The following SPECC1 variants were observed in gnomAD, a reference collection of about 807,000 sequenced individuals.
SPECC1 encodes the protein sperm antigen with calponin homology and coiled-coil domains 1.
Under a neutral mutation model 104.1 loss-of-function variants are expected in SPECC1, and 62 were observed. The observed-to-expected ratio is 0.60, with a 90% CI of 0.49 to 0.74. The LOEUF (loss-of-function observed/expected upper bound fraction) is 0.74, where lower values mean the gene tolerates loss of function less well. Among genes scored for constraint, SPECC1 ranks in the 30% least tolerant of loss-of-function variants. The probability of loss-of-function intolerance (pLI) is 0.00; values close to 1 mark genes in which losing one functional copy is unlikely to be tolerated. For missense variants in SPECC1, 1,306 were observed against 1,310.5 expected, an observed-to-expected ratio of 1.00 and a Z score of 0.05; for synonymous variants, 513 against 501.6, an observed-to-expected ratio of 1.02 and a Z score of -0.30.
rs1247574996 is a variant in SPECC1, at chr17:20,315,925, A to T, written c.*1860A>T. 1 of 232,598 alleles carries T rather than the reference A, an allele frequency of 4.3e-6. No individual in the cohort carries two copies. Among genetic ancestry groups the T allele is most frequent in the African/African-American group, 2.2e-5 (1 of 45,324 alleles). 14.4% of individuals were successfully genotyped at this position (232,598 alleles called of 1,614,324 possible). A position where few individuals can be genotyped will look rare whatever the true frequency, so the allele number is the denominator to read the frequency against. The stretch of plus-strand genomic sequence containing the variant: ...CAGAATGTCTGGAATGGGACCAGAG[A>T]TGCAGTTCACATGTTTTGTAAGTTC... On this transcript the variant is annotated 3_prime_UTR_variant, in exon 15 of 15. Coordinates refer to ENST00000395527, the MANE Select transcript of SPECC1 (RefSeq NM_001243439.2).
rs751710061 is a variant in SPECC1, at chr17:20,232,294, G to A, written c.2240G>A (p.Arg747His). The A allele has an allele frequency of 9.9e-6, 16 of 1,614,050 alleles. No individual in the cohort carries two copies. The highest frequency in any genetic ancestry group is 5.3e-5 in the African/African-American group (4 of 74,920). Residue 747 changes from arginine (R) to histidine (H), a missense_variant, in exon 7 of 15, where the codon CGC becomes CAC. This residue lies in a region of SPECC1 where 1,177 missense variants were observed against 1,139.9 expected (regional missense o/e 1.03). Coordinates refer to ENST00000395527, the MANE Select transcript of SPECC1 (RefSeq NM_001243439.2). The stretch of plus-strand genomic sequence containing the variant: ...AAGTGTGAGGCCCAGCAGGAGCTGC[G>A]CACCGTGAAGAGGAAACTGCTGGAG... Reference protein sequence around the residue: ...DIKCEAQQELRTVKRKLLEEE... With the variant: ...DIKCEAQQELHTVKRKLLEEE...
chr17:20,143,939 C>A (rs1044402532), intron 3 of SPECC1, among the ~76,000 whole-genome samples: 4 of 152,114 alleles, frequency 2.6e-5, no homozygotes, highest in Non-Finnish European at 5.9e-5. Context: ...CAACAGGGAG[C>A]CTCCTTCTGC....
intron 3 of SPECC1, among the ~76,000 whole-genome samples, chr17:20,153,910 T>C (rs577861454): frequency 6.6e-6 from 1 of 152,354 alleles, no homozygotes; most frequent in African/African-American, 2.4e-5. Flanking sequence ...TGGTGTCATA[T>C]GCATTTCTGC....
intron 1 of SPECC1, among the ~76,000 whole-genome samples, chr17:20,065,731 GTCTC>G (rs2046335651): frequency 6.6e-6 from 1 of 152,148 alleles, no homozygotes; most frequent in African/African-American, 2.4e-5. Context: ...ACTTTTCTTG[GTCTC>G]TCTGTGTAAC....
At chr17:20,305,976 A>G (rs762610565) in intron 13 of SPECC1, 47 bp from the exon 14 acceptor site, 8 of 1,539,344 alleles carry the variant, frequency 5.2e-6, no homozygotes, top group South Asian at 2.3e-5. Flanking sequence ...GGCAAAAGCT[A>G]TATATTTTAA....
In SPECC1 at chr17:20,274,626, A is replaced by C. The variant is rs527940997; in HGVS notation, c.2940+14332A>C. Among the ~76,000 whole-genome samples the C allele has an allele frequency of 9.4e-5, 14 of 149,424 alleles. No homozygotes were observed. In the South Asian group the frequency reaches 1.9e-3, roughly 20 times the overall value. ...CTCCCTAGTAGCTGGGATTACAAGCACGTGCCACCACACCTGGCTAATTTT... is the reference window on the plus strand; with the variant it reads ...CTCCCTAGTAGCTGGGATTACAAGCCCGTGCCACCACACCTGGCTAATTTT... On this transcript the variant is annotated intron_variant, in intron 12 of 14. Coordinates refer to ENST00000395527, the MANE Select transcript of SPECC1 (RefSeq NM_001243439.2).
intron 3 of SPECC1, among the ~76,000 whole-genome samples, chr17:20,196,429 G>A (rs897773494): frequency 2.6e-5 from 4 of 152,124 alleles, no homozygotes; most frequent in African/African-American, 9.7e-5. Context: ...ATGTCCCCAG[G>A]CCTTACCTTA....
At position 20,160,908 on chromosome 17, in the gene SPECC1, T is replaced by C. The variant is rs2033083629; in HGVS notation, c.284-43425T>C. The stretch of plus-strand genomic sequence containing the variant: ...GCAAGTCATACTTAAATTTTCCAAA[T>C]CCATTGTTAGTATAAAAATGCTAGT... On this transcript the variant is annotated intron_variant, in intron 3 of 14. Transcript: ENST00000395527. Among the ~76,000 whole-genome samples the C allele has an allele frequency of 1.3e-5, 2 of 152,230 alleles. 1 individual carries two copies. The highest frequency in any genetic ancestry group is 2.9e-5 in the Non-Finnish European group (2 of 68,046).
chr17:20,302,575 C>G (rs2041624234), intron 13 of SPECC1, among the ~76,000 whole-genome samples: 1 of 151,722 alleles, frequency 6.6e-6, no homozygotes, highest in Admixed American at 6.6e-5. Context: ...AAACCACCCC[C>G]TCTCTGTATT....
intron 2 of SPECC1, among the ~76,000 whole-genome samples, chr17:20,107,033 T>C (rs2048236409): frequency 6.7e-6 from 1 of 149,612 alleles, no homozygotes; most frequent in African/African-American, 2.5e-5. Flanking sequence ...GGCACACGCC[T>C]GTAGCCCCAA....
At chr17:20,198,106 G>A (rs554303999) in intron 3 of SPECC1, among the ~76,000 whole-genome samples, 185 of 152,256 alleles carry the variant, frequency 1.2e-3, no homozygotes, top group South Asian at 3.9e-3. Flanking sequence ...CATCATAAAG[G>A]AAAATTACTT....
At chr17:20,016,038 G>A (rs576264563) in intron 1 of SPECC1, among the ~76,000 whole-genome samples, 31 of 150,084 alleles carry the variant, frequency 2.1e-4, no homozygotes, top group South Asian at 1.7e-3. Context: ...GTGAAACTCC[G>A]CTTCTACTAA....
chr17:20,179,627 A>C (rs1389266606), intron 3 of SPECC1, among the ~76,000 whole-genome samples: 1 of 152,260 alleles, frequency 6.6e-6, no homozygotes, highest in Non-Finnish European at 1.5e-5. Context: ...ACTCTTGCCC[A>C]GATATAATTC....
intron 3 of SPECC1, among the ~76,000 whole-genome samples, chr17:20,144,243 G>T (rs192542656): frequency 2.2e-3 from 298 of 138,126 alleles, no homozygotes; most frequent in Middle Eastern, 8.0e-3. Context: ...GGAGTGCAGT[G>T]GTGCGATCAC....
In SPECC1 at chr17:20,099,720, A is replaced by C. The variant is rs2542882; in HGVS notation, c.147+2922A>C. Among the ~76,000 whole-genome samples the C allele has an allele frequency of 8.1e-4, 74 of 91,918 alleles. 1 individual carries two copies. Among genetic ancestry groups the C allele is most frequent in the African/African-American group, 3.4e-3 (64 of 18,848 alleles). 60.3% of individuals were successfully genotyped at this position (91,918 alleles called of 152,430 possible). On this transcript the variant is annotated intron_variant, in intron 2 of 14. Transcript: ENST00000395527. ...AAAAAAAAAAAAAAAAAAAAAAAAA[A>C]CCCACAAAATATATAAAATAAGGCC...
intron 3 of SPECC1, among the ~76,000 whole-genome samples, chr17:20,160,175 AT>A (rs1338724806): frequency 6.6e-6 from 1 of 152,228 alleles, no homozygotes; most frequent in African/African-American, 2.4e-5. Flanking sequence ...TTACAGATAA[AT>A]TCCAAAATAG....
chr17:20,044,118 G>GAA (rs1450735757), intron 1 of SPECC1, among the ~76,000 whole-genome samples: 1 of 152,048 alleles, frequency 6.6e-6, no homozygotes, highest in Non-Finnish European at 1.5e-5. Flanking sequence ...CCTGTGTGGA[G>GAA]AAGAGTAAGG....
chr17:20,097,476 G>C (rs192762087), intron 2 of SPECC1, among the ~76,000 whole-genome samples: 5 of 152,296 alleles, frequency 3.3e-5, no homozygotes, highest in Non-Finnish European at 5.9e-5. Flanking sequence ...TGTGCTAAAG[G>C]CCTTGAGATG....
chr17:20,288,986 T>C (rs552879079), intron 12 of SPECC1, among the ~76,000 whole-genome samples: 1 of 152,124 alleles, frequency 6.6e-6, no homozygotes, highest in South Asian at 2.1e-4. Context: ...GATTTCACCA[T>C]CTTGGCCAGG....
Sources: gnomAD v4.1 joint callset for allele counts (sites outside exome capture counted in the v4.1 genomes callset) on GRCh38, gnomAD v4.1.1 for gene constraint, gnomAD v4.1.1 regional missense constraint, MANE v1.5 for transcripts, NCBI Gene and HGNC (gene_info 2026-07-23, HGNC 2026-07-21) for gene names.